Variants in EDA observed in about 807,000 individuals in gnomAD.
EDA encodes ectodysplasin A, also known as ectodysplasin-A.
In EDA, 2 loss-of-function variants were observed where a neutral mutation model predicts 23.6. The observed-to-expected ratio is 0.08, with a 90% confidence interval of 0.03 to 0.27. The LOEUF is 0.27. Ranked by LOEUF, EDA falls within the 10% of genes least tolerant of loss-of-function variation. The pLI is 1.00. For synonymous variants in EDA, 131 were observed against 132.0 expected, an observed-to-expected ratio of 0.99 and a Z score of 0.05; for missense variants, 229 against 324.2, an observed-to-expected ratio of 0.71 and a Z score of 2.26.
At chrX:69,673,499 G>C (rs184095899) in intron 1 of EDA, among the ~76,000 whole-genome samples, 2 of 110,863 alleles carry the variant, frequency 1.8e-5, no homozygotes, top group Non-Finnish European at 3.8e-5. Flanking sequence ...CAGCATATTC[G>C]GTATGCTATA....
chrX:69,736,144 T>A (rs1270072464), intron 1 of EDA, among the ~76,000 whole-genome samples: 1 of 108,839 alleles, frequency 9.2e-6, no homozygotes, highest in Non-Finnish European at 1.9e-5. Context: ...CCATCTCTAC[T>A]AAACATACAA....
chrX:69,800,638 A>G (rs2015661690), intron 1 of EDA, among the ~76,000 whole-genome samples: 1 of 111,851 alleles, frequency 8.9e-6, no homozygotes, highest in South Asian at 3.7e-4. Flanking sequence ...ATACAAAACA[A>G]AAGTAGTATC....
intron 1 of EDA, among the ~76,000 whole-genome samples, chrX:69,751,703 A>G (rs1387756893): frequency 1.1e-3 from 117 of 111,155 alleles, no homozygotes; most frequent in Non-Finnish European, 1.0e-3. Context: ...TTATTTCGTT[A>G]AGCAGTGGTT....
At chrX:69,637,073 C>G (rs989747920) in intron 1 of EDA, among the ~76,000 whole-genome samples, 1 of 111,784 alleles carries the variant, frequency 8.9e-6, no homozygotes, top group Non-Finnish European at 1.9e-5. Context: ...AATTTTAAAG[C>G]ATTCATGACA....
chrX:69,663,486 G>C (rs1165442052), intron 1 of EDA, among the ~76,000 whole-genome samples: 1 of 112,600 alleles, frequency 8.9e-6, no homozygotes, highest in Non-Finnish European at 1.9e-5. Context: ...CCTCTGCCTA[G>C]ATTTCAGAGG....
At chrX:69,786,661 T>C (rs1189864956) in intron 1 of EDA, among the ~76,000 whole-genome samples, 1 of 108,807 alleles carries the variant, frequency 9.2e-6, no homozygotes, top group Admixed American at 9.9e-5. Context: ...AGAGATAGTT[T>C]GTTATAATTT....
At chrX:69,934,981 T>C (rs2018651281) in intron 1 of EDA, among the ~76,000 whole-genome samples, 1 of 111,539 alleles carries the variant, frequency 9.0e-6, no homozygotes. Flanking sequence ...TAACCATCAT[T>C]CTACTCTACA....
intron 1 of EDA, among the ~76,000 whole-genome samples, chrX:69,635,602 T>C: frequency 1.1e-5 from 1 of 90,299 alleles, no homozygotes; most frequent in South Asian, 6.1e-4. Context: ...AGAGTTTCAC[T>C]CTTTCACCCA....
intron 1 of EDA, among the ~76,000 whole-genome samples, chrX:69,832,967 C>A (rs1435321493): frequency 1.8e-5 from 2 of 111,561 alleles, no homozygotes; most frequent in Admixed American, 9.6e-5. Flanking sequence ...TCTAAATATA[C>A]AATCATGTCA....
intron 2 of EDA, among the ~76,000 whole-genome samples, chrX:70,009,563 GGGTTTT>G (rs1355520793): frequency 2.0e-5 from 2 of 100,495 alleles, no homozygotes; most frequent in African/African-American, 3.8e-5. Context: ...TTGTTTGTTT[GGGTTTT>G]GTTTTGTTTT....
intron 1 of EDA, among the ~76,000 whole-genome samples, chrX:69,778,081 G>C (rs1405543506): frequency 9.0e-6 from 1 of 111,218 alleles, no homozygotes; most frequent in African/African-American, 3.3e-5. Context: ...ATATTTAGTT[G>C]AGTTTCTAAA....
chrX:70,019,820 T>C (rs1452527537), intron 2 of EDA, among the ~76,000 whole-genome samples: 1 of 111,475 alleles, frequency 9.0e-6, no homozygotes, highest in Non-Finnish European at 1.9e-5. Context: ...GGTGATGAAA[T>C]AATATATACA....
chrX:69,824,372 C>A (rs1284372322), intron 1 of EDA, among the ~76,000 whole-genome samples: 3 of 108,415 alleles, frequency 2.8e-5, no homozygotes, highest in Non-Finnish European at 5.8e-5. Context: ...CTTTTATTTC[C>A]TTGAGCAGTG....
intron 1 of EDA, among the ~76,000 whole-genome samples, chrX:69,855,427 C>G (rs936322864): frequency 8.9e-6 from 1 of 111,868 alleles, no homozygotes; most frequent in Middle Eastern, 4.6e-3. Context: ...AAGTTTTCTT[C>G]CAGGGTTTGT....
At chrX:69,883,156 G>A (rs1366604049) in intron 1 of EDA, among the ~76,000 whole-genome samples, 1 of 112,385 alleles carries the variant, frequency 8.9e-6, no homozygotes, top group Non-Finnish European at 1.9e-5. Flanking sequence ...TCAAGTATAA[G>A]TACTTTCATG....
At chrX:69,700,323 C>T (rs1175766894) in intron 1 of EDA, among the ~76,000 whole-genome samples, 1 of 111,395 alleles carries the variant, frequency 9.0e-6, no homozygotes, top group Non-Finnish European at 1.9e-5. Flanking sequence ...GTGTCAGGGT[C>T]TTCCCACATA....
chrX:69,696,898 T>C (rs997722720), intron 1 of EDA, among the ~76,000 whole-genome samples: 10 of 112,699 alleles, frequency 8.9e-5, no homozygotes, highest in Non-Finnish European at 1.9e-4. Flanking sequence ...TTTTTAACTT[T>C]CTTAGAAATG....
At chrX:69,849,044 G>A (rs1434959995) in intron 1 of EDA, among the ~76,000 whole-genome samples, 1 of 106,081 alleles carries the variant, frequency 9.4e-6, no homozygotes, top group Non-Finnish European at 1.9e-5. Flanking sequence ...TTAACATGTA[G>A]CATAATATAG....
At chrX:69,955,030 A>G (rs1267861625) in intron 1 of EDA, among the ~76,000 whole-genome samples, 1 of 112,368 alleles carries the variant, frequency 8.9e-6, no homozygotes, top group Admixed American at 9.4e-5. Flanking sequence ...GCATAGCTGA[A>G]GTAAGTTTCA....
Sources: allele counts gnomAD v4.1 joint callset (sites outside exome capture counted in the v4.1 genomes callset), GRCh38; gene constraint gnomAD v4.1.1; transcripts MANE v1.5; gene names NCBI Gene and HGNC (gene_info 2026-07-23, HGNC 2026-07-21).